Variants in TSC1 observed in about 807,000 individuals in gnomAD.
The protein encoded by TSC1 is hamartin.
In TSC1, 20 loss-of-function variants were observed where a neutral mutation model predicts 124.3. The observed-to-expected ratio is 0.16, with a 90% CI of 0.11 to 0.23. The LOEUF is 0.23. Ranked by LOEUF, TSC1 falls within the 10% of genes least tolerant of loss-of-function variation. The probability of loss-of-function intolerance (pLI) is 1.00; values close to 1 mark genes in which losing one functional copy is unlikely to be tolerated. For missense variants in TSC1, 1,124 were observed against 1,448.5 expected, an observed-to-expected ratio of 0.78 and a Z score of 3.64; for synonymous variants, 493 against 539.1, an observed-to-expected ratio of 0.91 and a Z score of 1.19.
At position 132,895,189 on chromosome 9, in the gene TSC1, T is replaced by C. The variant is rs1304951473; in HGVS notation, c.*1046A>G. On this transcript the variant is annotated 3_prime_UTR_variant, in exon 23 of 23. Coordinates refer to ENST00000298552, the MANE Select transcript of TSC1 (RefSeq NM_000368.5). The stretch of plus-strand genomic sequence containing the variant: ...AGAACCTGCTACAGTGAGGCAACCC[T>C]AATGGCCTGGGAAATGATGGTCACA... The C allele has an allele frequency of 4.3e-6, 1 of 233,090 alleles. No homozygotes were observed. Among genetic ancestry groups the C allele is most frequent in the Admixed American group, 5.6e-5 (1 of 17,766 alleles). The allele number at this position is 233,090 out of a possible 1,614,324, so 14.4% of individuals were successfully genotyped here.
intron 3 of TSC1, among the ~76,000 whole-genome samples, chr9:132,928,113 T>C (rs145677346): frequency 2.1e-3 from 318 of 152,302 alleles, no homozygotes; most frequent in Non-Finnish European, 3.2e-3. Flanking sequence ...TCAGCATCTA[T>C]GGCCTATTTC....
Position 132,896,654 on chromosome 9 carries a change from C to T in TSC1, c.3076G>A (p.Ala1026Thr), listed in dbSNP as rs533565295. 9.3e-6 allele frequency: 15 copies of T among 1,613,978 alleles called. No homozygotes were observed. The highest frequency in any genetic ancestry group is 6.6e-5 in the South Asian group (6 of 91,062). The change falls in exon 23 of 23, where the codon GCC (alanine) becomes ACC (threonine). Residue 1026 changes from alanine (A) to threonine (T), a missense_variant. By Grantham distance (58) the Ala-to-Thr change is moderately conservative. Around this residue, in one of 5 missense-constraint regions of TSC1, gnomAD observed 325 missense variants for 383.4 expected, o/e 0.85. Coordinates refer to ENST00000298552, the MANE Select transcript of TSC1 (RefSeq NM_000368.5). The surrounding 1 kb of genome is among the most constrained non-coding windows in gnomAD (Gnocchi z 4.5). ...CCTCTGCTTCCACTACTGCCCCGGG[C>T]GCTGCTGGGCCTGGGGGTCTTGGTC... ...GETKTPRPSS[A>T]RGSSGSRGGG... is the part of the protein sequence containing the mutation.
chr9:132,906,416 G>C lies in TSC1; in HGVS notation c.1439-277C>G, dbSNP rs929762358. The C allele has an allele frequency of 5.9e-5, 32 of 539,712 alleles. No homozygotes were observed. The highest frequency in any genetic ancestry group is 3.4e-4 in the Admixed American group (11 of 32,460). 33.4% of individuals were successfully genotyped at this position (539,712 alleles called of 1,614,324 possible). The stretch of plus-strand genomic sequence containing the variant: ...CAATAAAAATCAGCTGAGCATCGTG[G>C]TGTATGCCTGTGGTCCCAGCTACTC... On this transcript the variant is annotated intron_variant, in intron 14 of 22. Transcript: ENST00000298552. This position sits in a 1 kb window ranked among gnomAD's most constrained non-coding sequence, Gnocchi z 4.1.
rs2131605278 is a variant in TSC1 at position 132,896,576 on chromosome 9, G to A, written c.3154C>T (p.Pro1052Ser). The change falls in exon 23 of 23, where the codon CCA (proline) becomes TCA (serine). Residue 1052 changes from proline to serine, a missense_variant. Coordinates refer to ENST00000298552, the MANE Select transcript of TSC1 (RefSeq NM_000368.5). The surrounding 1 kb of genome is among the most constrained non-coding windows in gnomAD (Gnocchi z 4.5). ...CTGAATGGGCCTGCCCTCTGGTGTG[G>A]GGGTTTCTCTGGGGTAGAAAGCTCG... is the stretch of plus-strand genomic sequence containing the variant. The part of the protein sequence containing the change: ...SSELSTPEKP[P>S]HQRAGPFSSR... The A allele has an allele frequency of 1.2e-6, 2 of 1,614,018 alleles. No individual in the cohort carries two copies. The highest frequency in any genetic ancestry group is 1.7e-6 in the Non-Finnish European group (2 of 1,179,944).
At chr9:132,919,091 A>G (rs938683861) in intron 8 of TSC1, among the ~76,000 whole-genome samples, 1 of 152,236 alleles carries the variant, frequency 6.6e-6, no homozygotes, top group Non-Finnish European at 1.5e-5. Context: ...CTCCTAGGCT[A>G]CAAACCTGCA....
chr9:132,927,770 C>G (rs912386905), intron 3 of TSC1, among the ~76,000 whole-genome samples: 4 of 152,174 alleles, frequency 2.6e-5, no homozygotes, highest in Non-Finnish European at 5.9e-5. Context: ...TGTGATCCGC[C>G]CGCCTCGGCC....
At chr9:132,910,418 G>C in intron 12 of TSC1, 153 bp downstream of exon 12, 2 of 1,424,834 alleles carry the variant, frequency 1.4e-6, no homozygotes, top group Non-Finnish European at 1.9e-6. Flanking sequence ...CACACCTTGA[G>C]AGCAGCTTGT....
At chr9:132,931,076 G>C (rs1392003610) in intron 2 of TSC1, 1 of 152,144 alleles carries the variant, frequency 6.6e-6, no homozygotes. Context: ...CACTTGTCTA[G>C]CTAACCCCCA....
rs2131859521 is a variant in TSC1, at chr9:132,906,676, T to C, written c.1438+55A>G. 2.0e-6 allele frequency: 3 copies of C among 1,469,912 alleles called. No individual in the cohort carries two copies. Among genetic ancestry groups the C allele is most frequent in the South Asian group, 1.2e-5 (1 of 83,790 alleles). 91.1% of individuals were successfully genotyped at this position (1,469,912 alleles called of 1,614,324 possible). On this transcript the variant is annotated intron_variant, in intron 14 of 22. Transcript: ENST00000298552. This position sits in a 1 kb window ranked among gnomAD's most constrained non-coding sequence, Gnocchi z 4.1. ...GAGCAATGGCACAAAATCCCAGATT[T>C]ATAGCAGAGCGAGGGTCAGGTTTTA...
rs771479673 is a variant in TSC1, at chr9:132,897,554, A to G, written c.2682T>C (p.His894=). ...CAAGCCTCTGAGTCTGCTGGAGAAC[A>G]TGGCTTCTGTTTTTTTCTAGCTCTT... ...YRKELEKNRS[H]VLQQTQRLDT... The change falls in exon 21 of 23, where the codon CAT becomes CAC. Residue 894 remains histidine, a synonymous_variant. Transcript: ENST00000298552. 1.3e-6 allele frequency: 2 copies of G among 1,565,280 alleles called. No individual in the cohort carries two copies. Among genetic ancestry groups the G allele is most frequent in the South Asian group, 1.1e-5 (1 of 88,870 alleles).
rs1216247898 is a variant in TSC1 at position 132,891,721 on chromosome 9, G to A, written c.*4514C>T. 3 of 233,514 alleles carry A rather than the reference G, an allele frequency of 1.3e-5. No individual in the cohort carries two copies. The highest frequency in any genetic ancestry group is 6.6e-5 in the African/African-American group (3 of 45,320). 14.5% of individuals were successfully genotyped at this position (233,514 alleles called of 1,614,324 possible). On this transcript the variant is annotated 3_prime_UTR_variant, in exon 23 of 23. Coordinates refer to ENST00000298552, the MANE Select transcript of TSC1 (RefSeq NM_000368.5). ...ATGTCTTAGCAAAATCTGTTCCTCC[G>A]TAATATATTTGTGGTCCATAGAAGT...
chr9:132,921,341 A>G lies in TSC1; in HGVS notation c.737+22T>C. 1 of 1,613,252 alleles carries G rather than the reference A, an allele frequency of 6.2e-7. No individual in the cohort carries two copies. The highest frequency in any genetic ancestry group is 2.2e-5 in the East Asian group (1 of 44,876). Reference sequence around the variant, plus strand: ...TCAATCTCTCGAAAGATTCTTTAAAATTTTGACACTAGTTTCTATACCTTC... The same window carrying G: ...TCAATCTCTCGAAAGATTCTTTAAAGTTTTGACACTAGTTTCTATACCTTC... On this transcript the variant is annotated intron_variant, in intron 8 of 22. Transcript: ENST00000298552. This position sits in a 1 kb window ranked among gnomAD's most constrained non-coding sequence, Gnocchi z 4.3.
rs2131810302 is a variant in TSC1, at chr9:132,905,625, T to A, written c.1953A>T (p.Arg651Ser). 4.3e-6 allele frequency: 7 copies of A among 1,614,256 alleles called. No homozygotes were observed. Among genetic ancestry groups the A allele is most frequent in the Non-Finnish European group, 5.1e-6 (6 of 1,180,042 alleles). Residue 651 changes from arginine to serine, a missense_variant, in exon 15 of 23, where the codon AGA becomes AGT. By Grantham distance (110) the Arg-to-Ser change is moderately radical (BLOSUM62 -1). Transcript: ENST00000298552. ...PSTSPMEVLDRLIQQGADAHS... is the reference protein window; with the variant it reads ...PSTSPMEVLDSLIQQGADAHS... ...GCGCGTCTGCTCCCTGCTGTATCAG[T>A]CTGTCCAGCACTTCCATTGGGGAGG...
intron 8 of TSC1, among the ~76,000 whole-genome samples, chr9:132,918,602 G>A (rs1286470876): frequency 1.3e-5 from 2 of 152,178 alleles, no homozygotes; most frequent in Non-Finnish European, 2.9e-5. Context: ...ATTAAGTGAA[G>A]CATATACATT....
chr9:132,938,495 T>C (rs528500954), intron 1 of TSC1, among the ~76,000 whole-genome samples: 1 of 152,244 alleles, frequency 6.6e-6, no homozygotes, highest in South Asian at 2.1e-4. Context: ...AGGAAGAAGA[T>C]AAGGGCTCTG....
At position 132,927,252 on chromosome 9, in the gene TSC1, G is replaced by A. The variant is rs756335238; in HGVS notation, c.159C>T (p.Ser53=). 1 of 1,614,086 alleles carries A rather than the reference G, an allele frequency of 6.2e-7. No individual in the cohort carries two copies. The highest frequency in any genetic ancestry group is 1.1e-5 in the South Asian group (1 of 91,048). ...TCAGGATGTGCAATGCCGGCTGAGA[G>A]CTGGTTTCCAGGTAATAATCCACCA... The part of the protein sequence containing the change: ...NTLVDYYLET[S]SQPALHILTT... Residue 53 remains serine (S), a synonymous_variant, in exon 4 of 23, where the codon AGC becomes AGT. Coordinates refer to ENST00000298552, the MANE Select transcript of TSC1 (RefSeq NM_000368.5).
At position 132,903,255 on chromosome 9, in the gene TSC1, C is replaced by T. The variant is rs1412697037; in HGVS notation, c.2208+396G>A. ...ACAGAGGCTTCAAGAGGCCACGTTA[C>T]TTTTCTAAGGTAACACTGGTAGAGC... is the stretch of plus-strand genomic sequence containing the variant. On this transcript the variant is annotated intron_variant, in intron 17 of 22. Coordinates refer to ENST00000298552, the MANE Select transcript of TSC1 (RefSeq NM_000368.5). The surrounding 1 kb of genome is among the most constrained non-coding windows in gnomAD (Gnocchi z 5.9). 6.6e-6 allele frequency among the ~76,000 whole-genome samples: 1 copy of T among 152,228 alleles called. No individual in the cohort carries two copies. Among genetic ancestry groups the T allele is most frequent in the Non-Finnish European group, 1.5e-5 (1 of 68,046 alleles).
At chr9:132,927,719 G>T (rs951122387) in intron 3 of TSC1, among the ~76,000 whole-genome samples, 7 of 151,742 alleles carry the variant, frequency 4.6e-5, no homozygotes, top group Non-Finnish European at 8.8e-5. Context: ...TAGAGATGGG[G>T]TTTCACCACA....
intron 2 of TSC1, among the ~76,000 whole-genome samples, chr9:132,930,933 G>A (rs1396858486): frequency 3.9e-5 from 6 of 152,142 alleles, no homozygotes; most frequent in Non-Finnish European, 7.4e-5. Flanking sequence ...TACCGTAAAA[G>A]TTCAAAACCA....
Sources: allele counts gnomAD v4.1 joint callset (sites outside exome capture counted in the v4.1 genomes callset), GRCh38; gene constraint gnomAD v4.1.1; regional missense constraint gnomAD v4.1.1; non-coding constraint Gnocchi (gnomAD v3.1); transcripts MANE v1.5; gene names NCBI Gene and HGNC (gene_info 2026-07-23, HGNC 2026-07-21).